FAM117A: variants seen among roughly 807,000 people sequenced by gnomAD.
FAM117A encodes the protein protein FAM117A.
In FAM117A, 21 loss-of-function variants were observed where a neutral mutation model predicts 44.1. The observed-to-expected ratio is 0.48, with a 90% CI of 0.34 to 0.69. The LOEUF is 0.69. Ranked by LOEUF, FAM117A falls within the 30% of genes least tolerant of loss-of-function variation. The pLI is 0.01. For synonymous variants in FAM117A, 220 were observed against 238.3 expected (o/e 0.92, Z 0.71); for missense variants, 498 against 589.9 (o/e 0.84, Z 1.61).
intron 1 of FAM117A, among the ~76,000 whole-genome samples, chr17:49,778,655 ACTTC>A (rs1256606916): frequency 6.6e-6 from 1 of 152,190 alleles, no homozygotes; most frequent in African/African-American, 2.4e-5. Context: ...ATGTTTTCTA[ACTTC>A]CTTCATTTAC....
chr17:49,711,122 A>G lies in FAM117A; in HGVS notation c.*133T>C. The stretch of plus-strand genomic sequence containing the variant: ...ATCAAAAAGAGGACCCAGGGCTTTG[A>G]CACAGTAAGTGAAAGAAAGTGCTCG... On this transcript the variant is annotated 3_prime_UTR_variant, in exon 8 of 8. Coordinates refer to ENST00000240364, the MANE Select transcript of FAM117A (RefSeq NM_030802.4). The G allele has an allele frequency of 1.2e-6, 1 of 862,422 alleles. No individual in the cohort carries two copies. 53.4% of individuals were successfully genotyped at this position (862,422 alleles called of 1,614,324 possible).
At chr17:49,778,525 G>T (rs1954058869) in intron 1 of FAM117A, among the ~76,000 whole-genome samples, 1 of 152,076 alleles carries the variant, frequency 6.6e-6, no homozygotes, top group African/African-American at 2.4e-5. Flanking sequence ...TCTCCATTTA[G>T]ATCAATTCAG....
intron 1 of FAM117A, among the ~76,000 whole-genome samples, chr17:49,733,807 T>G (rs967647673): frequency 6.6e-6 from 1 of 152,122 alleles, no homozygotes; most frequent in East Asian, 1.9e-4. Flanking sequence ...ATCATCTAAG[T>G]TGACCCTGTT....
chr17:49,734,506 G>A (rs1181145816), intron 1 of FAM117A, among the ~76,000 whole-genome samples: 1 of 151,964 alleles, frequency 6.6e-6, no homozygotes, highest in Non-Finnish European at 1.5e-5. Flanking sequence ...GCAGGAGAAT[G>A]GTGTGAACCT....
Position 49,716,652 on chromosome 17 carries a change from A to G in FAM117A, c.911-337T>C, listed in dbSNP as rs141902627. The stretch of plus-strand genomic sequence containing the variant: ...GTGTCTCTCTCTGCCTTCTTCCAAG[A>G]CTGTCACACCCTCCCTGCCAACATA... On this transcript the variant is annotated intron_variant, in intron 6 of 7. Coordinates refer to ENST00000240364, the MANE Select transcript of FAM117A (RefSeq NM_030802.4). Among the ~76,000 whole-genome samples the G allele has an allele frequency of 7.6e-4, 116 of 152,234 alleles. 1 individual carries two copies. In the East Asian group the frequency reaches 0.021, roughly 28 times the overall value.
chr17:49,750,762 G>A (rs1418659591), intron 1 of FAM117A, among the ~76,000 whole-genome samples: 2 of 152,032 alleles, frequency 1.3e-5, no homozygotes, highest in African/African-American at 2.4e-5. Flanking sequence ...GGCAACAAGA[G>A]CAAAACTCCA....
At chr17:49,725,381 C>T (rs1300074673) in intron 2 of FAM117A, among the ~76,000 whole-genome samples, 2 of 152,178 alleles carry the variant, frequency 1.3e-5, no homozygotes, top group Non-Finnish European at 2.9e-5. Context: ...CAAAACAACA[C>T]AAATACTTGT....
chr17:49,787,080 T>G (rs1001860253), intron 1 of FAM117A, among the ~76,000 whole-genome samples: 2 of 151,916 alleles, frequency 1.3e-5, no homozygotes, highest in Admixed American at 1.3e-4. Context: ...CAAGACTCTG[T>G]CTTGAAAGAA....
intron 1 of FAM117A, among the ~76,000 whole-genome samples, chr17:49,762,692 C>T (rs556218422): frequency 9.2e-5 from 14 of 152,278 alleles, no homozygotes; most frequent in African/African-American, 3.1e-4. Context: ...ACCGTTAAGA[C>T]GGCAGGAATC....
intron 1 of FAM117A, among the ~76,000 whole-genome samples, chr17:49,774,353 C>G (rs1265384744): frequency 7.8e-6 from 1 of 128,008 alleles, no homozygotes; most frequent in Non-Finnish European, 1.6e-5. Context: ...GTCATACTGC[C>G]CAGGCTGGTC....
At chr17:49,752,932 T>C (rs1598031488) in intron 1 of FAM117A, among the ~76,000 whole-genome samples, 1 of 151,922 alleles carries the variant, frequency 6.6e-6, no homozygotes, top group Non-Finnish European at 1.5e-5. Flanking sequence ...GGTGCAGTCT[T>C]AGCTCACTGC....
chr17:49,771,131 T>C (rs1490510770), intron 1 of FAM117A, among the ~76,000 whole-genome samples: 1 of 152,164 alleles, frequency 6.6e-6, no homozygotes, highest in Non-Finnish European at 1.5e-5. Context: ...CGTTTGAACC[T>C]GGGAGGTGGA....
intron 2 of FAM117A, among the ~76,000 whole-genome samples, chr17:49,727,237 C>G (rs1472797673): frequency 6.6e-6 from 1 of 151,962 alleles, no homozygotes; most frequent in African/African-American, 2.4e-5. Context: ...GAAACTCCGT[C>G]TCTACTAAAA....
chr17:49,779,504 T>C (rs1345568982), intron 1 of FAM117A, among the ~76,000 whole-genome samples: 1 of 152,186 alleles, frequency 6.6e-6, no homozygotes, highest in East Asian at 1.9e-4. Flanking sequence ...GGTGGAGTGC[T>C]TTGCCTGAGA....
At chr17:49,715,865 G>A (rs530574476) in intron 7 of FAM117A, among the ~76,000 whole-genome samples, 177 of 152,070 alleles carry the variant, frequency 1.2e-3, no homozygotes, top group African/African-American at 4.0e-3. Flanking sequence ...CACCTTCCCC[G>A]GAGATGGAAA....
rs570839316 is a variant in FAM117A, at chr17:49,711,375, G to A, written c.1242C>T (p.Pro414=). 2 of 1,611,500 alleles carry A rather than the reference G, an allele frequency of 1.2e-6. No homozygotes were observed. The highest frequency in any genetic ancestry group is 3.3e-5 in the Admixed American group (2 of 59,798). ...CCGGATCCTTCCGAGGTGGTGGCCTGGGGCTGGCCGGGGGAAGGGGAGATC... is the reference window on the plus strand; with the variant it reads ...CCGGATCCTTCCGAGGTGGTGGCCTAGGGCTGGCCGGGGGAAGGGGAGATC... ...NPGSPLPPAS[P]RPPPRKDPEA... Residue 414 remains proline (P), a synonymous_variant, in exon 8 of 8, where the codon CCC becomes CCT. Transcript: ENST00000240364.
chr17:49,788,610 G>A, upstream of FAM117A: 1 of 487,098 alleles, frequency 2.1e-6, no homozygotes, highest in Non-Finnish European at 3.7e-6. Flanking sequence ...ACCCTCTCTG[G>A]CCCGTAACGT....
chr17:49,779,998 C>T (rs1160837094), intron 1 of FAM117A, among the ~76,000 whole-genome samples: 1 of 152,166 alleles, frequency 6.6e-6, no homozygotes, highest in Non-Finnish European at 1.5e-5. Context: ...GGCTCAGTAA[C>T]CTCAGTTGGC....
chr17:49,759,104 C>A (rs934692946), intron 1 of FAM117A, among the ~76,000 whole-genome samples: 3 of 152,212 alleles, frequency 2.0e-5, no homozygotes, highest in African/African-American at 7.2e-5. Context: ...TGTGAGAGAA[C>A]AAAGTCCTCT....
Sources: gnomAD v4.1 joint callset for allele counts (sites outside exome capture counted in the v4.1 genomes callset) on GRCh38, gnomAD v4.1.1 for gene constraint, MANE v1.5 for transcripts, NCBI Gene and HGNC (gene_info 2026-07-23, HGNC 2026-07-21) for gene names.